The following DGKB variants were observed in gnomAD, a reference collection of about 807,000 sequenced individuals.
DGKB encodes diacylglycerol kinase beta.
A neutral mutation model predicts 114.3 loss-of-function variants in DGKB; 67 were observed. The observed-to-expected ratio is 0.59, with a 90% CI of 0.48 to 0.72. The LOEUF is 0.72. Among genes scored for constraint, DGKB ranks in the 30% least tolerant of loss-of-function variants. The probability of loss-of-function intolerance (pLI) is 0.00; values close to 1 mark genes in which losing one functional copy is unlikely to be tolerated. For synonymous variants in DGKB, 398 were observed against 323.1 expected (o/e 1.23, Z -2.49); for missense variants, 907 against 975.2 (o/e 0.93, Z 0.93).
chr7:14,660,211 C>G (rs2128921620), intron 13 of DGKB, among the ~76,000 whole-genome samples: 1 of 152,022 alleles, frequency 6.6e-6, no homozygotes, highest in South Asian at 2.1e-4. Flanking sequence ...GGTTGTGTCT[C>G]TGCCCGGCTT....
intron 23 of DGKB, among the ~76,000 whole-genome samples, chr7:14,257,736 A>T (rs1214080591): frequency 2.6e-5 from 4 of 151,902 alleles, no homozygotes; most frequent in Non-Finnish European, 4.4e-5. Flanking sequence ...TTATTTACTT[A>T]TTTTTTTGAG....
At chr7:14,248,158 A>G (rs1794740303) in intron 23 of DGKB, among the ~76,000 whole-genome samples, 1 of 152,106 alleles carries the variant, frequency 6.6e-6, no homozygotes, top group Non-Finnish European at 1.5e-5. Flanking sequence ...TCAATTGACC[A>G]CAAATGAGTG....
At chr7:14,875,934 A>T (rs954163007) in intron 1 of DGKB, among the ~76,000 whole-genome samples, 3 of 152,066 alleles carry the variant, frequency 2.0e-5, no homozygotes. Flanking sequence ...AAGATTGGAC[A>T]CTCTTGGGAT....
intron 2 of DGKB, among the ~76,000 whole-genome samples, chr7:14,827,058 T>A (rs1369692597): frequency 6.6e-6 from 1 of 152,026 alleles, no homozygotes; most frequent in Non-Finnish European, 1.5e-5. Flanking sequence ...TCAGGCAGAA[T>A]GGAGTCAAAA....
chr7:14,493,138 T>C lies in DGKB; in HGVS notation c.1771-14913A>G, dbSNP rs147450571. On this transcript the variant is annotated intron_variant, in intron 20 of 25. Coordinates refer to ENST00000402815, the MANE Select transcript of DGKB (RefSeq NM_001350709.2). ...CAATTATGTTTATTTGAATAAACTA[T>C]GGATTGAAAATGGAGTTTTATGTTC... Among the ~76,000 whole-genome samples, 1,021 of 152,210 alleles carry C rather than the reference T, an allele frequency of 6.7e-3. 12 individuals carry two copies. Among genetic ancestry groups the C allele is most frequent in the South Asian group, 0.019 (92 of 4,824 alleles).
Position 14,580,879 on chromosome 7 carries a change from C to T in DGKB, c.1592G>A (p.Cys531Tyr). Residue 531 changes from cysteine to tyrosine, a missense_variant, in exon 19 of 26, where the codon TGC becomes TAC. By Grantham distance (194) the Cys-to-Tyr change is radical (BLOSUM62 -2). This residue lies in a region of DGKB where 814 missense variants were observed against 856.6 expected (regional missense o/e 0.95). Coordinates refer to ENST00000402815, the MANE Select transcript of DGKB (RefSeq NM_001350709.2). ...TGCTTTACCTCCTCCCCATCGCAGG[C>T]ATCTTGCTAGATCATTGCCAGTCCC... ...PLGTGNDLAR[C>Y]LRWGGGYEGE... 1 of 1,604,078 alleles carries T rather than the reference C, an allele frequency of 6.2e-7. No homozygotes were observed. The highest frequency in any genetic ancestry group is 8.5e-7 in the Non-Finnish European group (1 of 1,173,194).
chr7:14,626,722 T>C (rs1346265417), intron 14 of DGKB, among the ~76,000 whole-genome samples: 1 of 152,208 alleles, frequency 6.6e-6, no homozygotes, highest in South Asian at 2.1e-4. Flanking sequence ...TCTTTGGAAA[T>C]TGCAGCAAAA....
chr7:14,176,573 G>C (rs1380363109), intron 25 of DGKB: 6 of 1,131,880 alleles, frequency 5.3e-6, no homozygotes, highest in Non-Finnish European at 6.6e-6. Flanking sequence ...GTTTATAATT[G>C]ATCTATGGTT....
chr7:14,382,463 C>T (rs1819646779), intron 21 of DGKB, among the ~76,000 whole-genome samples: 1 of 151,886 alleles, frequency 6.6e-6, no homozygotes, highest in Non-Finnish European at 1.5e-5. Context: ...CACACACACA[C>T]ACACAGACAC....
chr7:14,211,309 T>C (rs1039770825), intron 23 of DGKB, among the ~76,000 whole-genome samples: 3 of 106,862 alleles, frequency 2.8e-5, no homozygotes, highest in Admixed American at 1.9e-4. Context: ...TACTCTCATG[T>C]TTTGTGATAT....
chr7:14,809,365 G>T (rs1350343034), intron 2 of DGKB, among the ~76,000 whole-genome samples: 1 of 152,020 alleles, frequency 6.6e-6, no homozygotes, highest in African/African-American at 2.4e-5. Flanking sequence ...TGTTTTCAAG[G>T]TTATGAAACA....
At chr7:14,206,199 A>G (rs911284772) in intron 23 of DGKB, among the ~76,000 whole-genome samples, 1 of 152,054 alleles carries the variant, frequency 6.6e-6, no homozygotes, top group Non-Finnish European at 1.5e-5. Context: ...GAAAATGTGT[A>G]ATTAAAACAC....
At chr7:14,442,720 T>C (rs770717641) in intron 21 of DGKB, among the ~76,000 whole-genome samples, 7 of 152,172 alleles carry the variant, frequency 4.6e-5, no homozygotes, top group African/African-American at 7.2e-5. Flanking sequence ...AATATGATTC[T>C]TTCTTTTTTG....
intron 25 of DGKB, among the ~76,000 whole-genome samples, chr7:14,163,347 AAAC>A (rs1361128701): frequency 1.3e-5 from 2 of 152,214 alleles, no homozygotes; most frequent in Admixed American, 6.5e-5. Context: ...CAATTACAAA[AAAC>A]AACAATTGTT....
chr7:14,485,507 A>G (rs1307119192), intron 20 of DGKB, among the ~76,000 whole-genome samples: 2 of 152,102 alleles, frequency 1.3e-5, no homozygotes, highest in Non-Finnish European at 1.5e-5. Flanking sequence ...GAAATACATG[A>G]TTGAGAGCAA....
chr7:14,734,433 G>A (rs1831407237), intron 5 of DGKB, among the ~76,000 whole-genome samples: 1 of 152,102 alleles, frequency 6.6e-6, no homozygotes, highest in African/African-American at 2.4e-5. Context: ...CCTTGCAGGA[G>A]ATTTTTAAGG....
chr7:14,396,054 A>G (rs1169841949), intron 21 of DGKB, among the ~76,000 whole-genome samples: 2 of 152,070 alleles, frequency 1.3e-5, no homozygotes, highest in African/African-American at 2.4e-5. Context: ...TTATATGACT[A>G]TATCACTGGA....
chr7:14,162,216 C>A (rs749036169), intron 25 of DGKB, among the ~76,000 whole-genome samples: 4 of 152,152 alleles, frequency 2.6e-5, no homozygotes, highest in Non-Finnish European at 5.9e-5. Flanking sequence ...CCTTGTGAGT[C>A]TATAGTCTGT....
chr7:14,455,568 T>C (rs993161391), intron 21 of DGKB, among the ~76,000 whole-genome samples: 3 of 152,014 alleles, frequency 2.0e-5, no homozygotes, highest in South Asian at 2.1e-4. Context: ...TATATTTCTC[T>C]AGAGAGTACC....
Sources: gnomAD v4.1 joint callset for allele counts (sites outside exome capture counted in the v4.1 genomes callset) on GRCh38, gnomAD v4.1.1 for gene constraint, gnomAD v4.1.1 regional missense constraint, MANE v1.5 for transcripts, NCBI Gene and HGNC (gene_info 2026-07-23, HGNC 2026-07-21) for gene names.